Variants in KHDRBS2 observed in about 807,000 individuals in gnomAD.
The protein encoded by KHDRBS2 is KH domain-containing, RNA-binding, signal transduction-associated protein 2.
A neutral mutation model predicts 44.3 loss-of-function variants in KHDRBS2; 26 were observed. That is an observed-to-expected ratio of 0.59 (90% CI 0.43 to 0.81). The LOEUF is 0.81. KHDRBS2 is among the 40% of genes least tolerant of loss of function. The pLI, the probability that KHDRBS2 is intolerant of heterozygous loss-of-function variation, is 0.00. For synonymous variants in KHDRBS2, 194 were observed against 151.1 expected, an observed-to-expected ratio of 1.28 and a Z score of -2.08; for missense variants, 476 against 433.1, an observed-to-expected ratio of 1.10 and a Z score of -0.88.
intron 6 of KHDRBS2, among the ~76,000 whole-genome samples, chr6:61,856,902 G>A (rs2127291819): frequency 6.6e-6 from 1 of 152,122 alleles, no homozygotes; most frequent in Non-Finnish European, 1.5e-5. Context: ...TATAGTACTG[G>A]TAGAACATAT....
chr6:61,878,603 T>C (rs1003028152), intron 6 of KHDRBS2, among the ~76,000 whole-genome samples: 2 of 152,038 alleles, frequency 1.3e-5, no homozygotes, highest in Admixed American at 1.3e-4. Context: ...AATTATTCAA[T>C]TTCTCTGGAC....
intron 4 of KHDRBS2, among the ~76,000 whole-genome samples, chr6:61,962,237 C>T (rs1190532882): frequency 6.6e-6 from 1 of 152,172 alleles, no homozygotes; most frequent in Admixed American, 6.6e-5. Context: ...TTTGAAAGTT[C>T]ATGGTTAGGT....
At chr6:61,719,696 C>A (rs527740158) in intron 7 of KHDRBS2, among the ~76,000 whole-genome samples, 2 of 152,216 alleles carry the variant, frequency 1.3e-5, no homozygotes, top group East Asian at 3.9e-4. Context: ...TGGTCAGAGA[C>A]ACCTTATATC....
chr6:62,119,458 G>A (rs1807080531), intron 2 of KHDRBS2, among the ~76,000 whole-genome samples: 1 of 152,146 alleles, frequency 6.6e-6, no homozygotes, highest in Non-Finnish European at 1.5e-5. Context: ...TTTATCTCCT[G>A]TAGATAAAGG....
chr6:61,956,031 G>C (rs1471457481), intron 4 of KHDRBS2, among the ~76,000 whole-genome samples: 2 of 151,676 alleles, frequency 1.3e-5, no homozygotes, highest in African/African-American at 4.8e-5. Flanking sequence ...CATCTCTACT[G>C]AAAATACAAA....
chr6:62,060,728 A>G (rs1791619704), intron 2 of KHDRBS2, among the ~76,000 whole-genome samples: 1 of 151,672 alleles, frequency 6.6e-6, no homozygotes, highest in Admixed American at 6.6e-5. Context: ...AGACCCAAAA[A>G]TCCCACTTGG....
chr6:61,975,805 A>G (rs1772508700), intron 4 of KHDRBS2, among the ~76,000 whole-genome samples: 1 of 152,192 alleles, frequency 6.6e-6, no homozygotes, highest in Non-Finnish European at 1.5e-5. Context: ...CGTTCAAAAT[A>G]TAGTAAGACT....
the KHDRBS2 span, among the ~76,000 whole-genome samples, chr6:61,601,255 AC>A: frequency 1.7e-4 from 26 of 150,672 alleles, no homozygotes; most frequent in Admixed American, 2.6e-4. Context: ...GGGGGCAGGC[AC>A]CCCCCACCCC....
intron 4 of KHDRBS2, among the ~76,000 whole-genome samples, chr6:61,974,431 A>C (rs1174550552): frequency 8.5e-5 from 13 of 152,194 alleles, no homozygotes; most frequent in Non-Finnish European, 1.3e-4. Context: ...ACATTATTGA[A>C]GCATATATTA....
chr6:62,189,825 A>G (rs1824218888), intron 1 of KHDRBS2, among the ~76,000 whole-genome samples: 1 of 152,158 alleles, frequency 6.6e-6, no homozygotes, highest in African/African-American at 2.4e-5. Context: ...TATAAAAATG[A>G]CTGGCAGAAG....
At chr6:61,799,226 A>G (rs1785864950) in intron 6 of KHDRBS2, among the ~76,000 whole-genome samples, 1 of 152,114 alleles carries the variant, frequency 6.6e-6, no homozygotes, top group Non-Finnish European at 1.5e-5. Context: ...AGGCAGAGAT[A>G]TAAGCTACAT....
chr6:61,901,408 G>C (rs763647952), intron 4 of KHDRBS2, 37 bp from the exon 5 acceptor site: 1 of 1,538,808 alleles, frequency 6.5e-7, no homozygotes, highest in Non-Finnish European at 8.8e-7. Flanking sequence ...TTAAAAATGG[G>C]ACATGCCGTT....
At chr6:62,265,719 C>T (rs561937708) in intron 1 of KHDRBS2, among the ~76,000 whole-genome samples, 5 of 152,020 alleles carry the variant, frequency 3.3e-5, no homozygotes, top group African/African-American at 9.6e-5. Flanking sequence ...ATCTTGTATT[C>T]ACCTGTTCAT....
In KHDRBS2 at chr6:61,894,618, T is replaced by A. The variant is rs1802568572; in HGVS notation, c.810+17A>T. The stretch of plus-strand genomic sequence containing the variant: ...AATTTAACTCATCCTTACAACTTAT[T>A]TCTTAAGAGTACTTACATATTCTTC... On this transcript the variant is annotated intron_variant, in intron 6 of 8. Coordinates refer to ENST00000281156, the MANE Select transcript of KHDRBS2 (RefSeq NM_152688.4). 6.3e-7 allele frequency: 1 copy of A among 1,599,844 alleles called. No individual in the cohort carries two copies. The highest frequency in any genetic ancestry group is 8.5e-7 in the Non-Finnish European group (1 of 1,171,974).
chr6:62,233,670 T>C (rs1833232680), intron 1 of KHDRBS2, among the ~76,000 whole-genome samples: 1 of 152,092 alleles, frequency 6.6e-6, no homozygotes, highest in Non-Finnish European at 1.5e-5. Context: ...ACCCAGTGTA[T>C]GTTGTTCCCC....
chr6:61,584,600 G>A, the KHDRBS2 span, among the ~76,000 whole-genome samples: 1 of 151,672 alleles, frequency 6.6e-6, no homozygotes, highest in African/African-American at 2.4e-5. Context: ...TATTTTTAAG[G>A]ATTTAGGCAT....
chr6:62,103,761 G>A (rs576482638), intron 2 of KHDRBS2, among the ~76,000 whole-genome samples: 1 of 152,242 alleles, frequency 6.6e-6, no homozygotes, highest in East Asian at 1.9e-4. Flanking sequence ...CTCCAGGCAG[G>A]CTGCTGCTGC....
At chr6:61,757,772 A>C (rs1485790536) in intron 6 of KHDRBS2, among the ~76,000 whole-genome samples, 1 of 152,112 alleles carries the variant, frequency 6.6e-6, no homozygotes, top group African/African-American at 2.4e-5. Flanking sequence ...GGTGGAACCA[A>C]AGCAGTTCTC....
intron 2 of KHDRBS2, among the ~76,000 whole-genome samples, chr6:62,060,793 A>G (rs1282997714): frequency 3.9e-5 from 6 of 151,998 alleles, no homozygotes; most frequent in East Asian, 2.0e-4. Flanking sequence ...ATAGTTGGAG[A>G]ATATAATTCA....
Sources: gnomAD v4.1 joint callset for allele counts (sites outside exome capture counted in the v4.1 genomes callset) on GRCh38, gnomAD v4.1.1 for gene constraint, MANE v1.5 for transcripts, NCBI Gene and HGNC (gene_info 2026-07-23, HGNC 2026-07-21) for gene names.